The following CSTF3 variants were observed in gnomAD, a reference collection of about 807,000 sequenced individuals.
CSTF3 encodes the protein CF-1 77 kDa subunit.
In CSTF3, 29 loss-of-function variants were observed where a neutral mutation model predicts 105.8. The observed-to-expected ratio is 0.27, with a 90% CI of 0.20 to 0.37. The LOEUF is 0.37. CSTF3 is among the 10% of genes least tolerant of loss of function. CSTF3 has a pLI of 1.00. For missense variants in CSTF3, 357 were observed against 879.3 expected (o/e 0.41, Z 7.51); for synonymous variants, 252 against 281.9 (o/e 0.89, Z 1.06).
chr11:33,124,912 T>C (rs1323450222), intron 3 of CSTF3, among the ~76,000 whole-genome samples: 1 of 152,202 alleles, frequency 6.6e-6, no homozygotes, highest in Non-Finnish European at 1.5e-5. Flanking sequence ...TTGAAGGTCA[T>C]TTATCTTTTT....
Position 33,099,005 on chromosome 11 carries a change from A to T in CSTF3, c.1053+29T>A, listed in dbSNP as rs891167331. Reference sequence around the variant, plus strand: ...CAGTCCTGCACTAAAAAATTGAATTATAAGAAGGCTCTAAACATTTTTACT... The same window carrying T: ...CAGTCCTGCACTAAAAAATTGAATTTTAAGAAGGCTCTAAACATTTTTACT... On this transcript the variant is annotated intron_variant, in intron 12 of 20. Transcript: ENST00000323959. This position sits in a 1 kb window ranked among gnomAD's most constrained non-coding sequence, Gnocchi z 4.1. 1.0e-5 allele frequency: 16 copies of T among 1,552,864 alleles called. No homozygotes were observed. The highest frequency in any genetic ancestry group is 2.4e-5 in the Admixed American group (1 of 41,438).
In CSTF3 at chr11:33,096,885, G is replaced by A. The variant is rs773139989; in HGVS notation, c.1222C>T (p.Arg408Cys). 12 of 1,613,426 alleles carry A rather than the reference G, an allele frequency of 7.4e-6. No individual in the cohort carries two copies. The highest frequency in any genetic ancestry group is 5.3e-5 in the African/African-American group (4 of 74,894). Residue 408 changes from arginine to cysteine, a missense_variant, in exon 14 of 21, where the codon CGC becomes TGC. By Grantham distance (180) the Arg-to-Cys change is radical (BLOSUM62 -3). Transcript: ENST00000323959. ...FKKAREDTRT[R>C]HHVYVTAALM... Reference sequence around the variant, plus strand: ...GCTGCAGTAACATAGACATGGTGGCGGGTTCTGGTATCTTCTCTTGCTTTT... The same window carrying A: ...GCTGCAGTAACATAGACATGGTGGCAGGTTCTGGTATCTTCTCTTGCTTTT...
rs944729876 is a variant in CSTF3, at chr11:33,084,946, C to G, written c.*141G>C. 29 of 905,696 alleles carry G rather than the reference C, an allele frequency of 3.2e-5. No individual in the cohort carries two copies. The highest frequency in any genetic ancestry group is 4.5e-5 in the Non-Finnish European group (26 of 581,636). 56.1% of individuals were successfully genotyped at this position (905,696 alleles called of 1,614,324 possible). A position where few individuals can be genotyped will look rare whatever the true frequency, so the allele number is the denominator to read the frequency against. On this transcript the variant is annotated 3_prime_UTR_variant, in exon 21 of 21. Transcript: ENST00000323959. Reference sequence around the variant, plus strand: ...TCACACAGGTTGGTTTGTTTTTTCTCAAGAACCATGTGATAGAGGCACCAA... The same window carrying G: ...TCACACAGGTTGGTTTGTTTTTTCTGAAGAACCATGTGATAGAGGCACCAA...
chr11:33,143,011 T>G (rs774131591), intron 1 of CSTF3, among the ~76,000 whole-genome samples: 11 of 152,110 alleles, frequency 7.2e-5, no homozygotes, highest in Non-Finnish European at 1.5e-4. Flanking sequence ...ACCCTTGGGG[T>G]TCCTGGACCA....
chr11:33,111,896 T>C (rs1432682314), intron 3 of CSTF3, among the ~76,000 whole-genome samples: 1 of 152,182 alleles, frequency 6.6e-6, no homozygotes, highest in Non-Finnish European at 1.5e-5. Context: ...CTGGTACTGG[T>C]GGCCTTACCA....
intron 10 of CSTF3, among the ~76,000 whole-genome samples, chr11:33,101,942 A>G (rs545607497): frequency 6.6e-6 from 1 of 152,284 alleles, no homozygotes; most frequent in African/African-American, 2.4e-5. Flanking sequence ...ATGGAAATTT[A>G]TAGAATTGAA....
At chr11:33,136,233 A>T (rs562878705) in intron 3 of CSTF3, 1 of 152,420 alleles carries the variant, frequency 6.6e-6, no homozygotes, top group African/African-American at 2.4e-5. Context: ...GGGGAAAAAA[A>T]TCTAGATGCA....
chr11:33,095,781 C>T (rs1169809250), intron 15 of CSTF3, among the ~76,000 whole-genome samples: 1 of 150,238 alleles, frequency 6.7e-6, no homozygotes, highest in Non-Finnish European at 1.5e-5. Flanking sequence ...GAGATTGCGC[C>T]ACTGCACTCC....
At chr11:33,098,498 TG>T (rs1855247280) in intron 13 of CSTF3, among the ~76,000 whole-genome samples, 191 bp downstream of exon 13, 1 of 152,112 alleles carries the variant, frequency 6.6e-6, no homozygotes, top group Non-Finnish European at 1.5e-5. Flanking sequence ...AGGGGTCACA[TG>T]GGGGAATTTT....
intron 10 of CSTF3, 103 bp downstream of exon 10, chr11:33,102,074 A>G (rs764765891): frequency 3.7e-6 from 3 of 802,088 alleles, no homozygotes; most frequent in African/African-American, 3.4e-5. Context: ...CTGAAGAACA[A>G]AAGAAAAAAA....
In CSTF3 at chr11:33,085,734, G is replaced by A; in HGVS notation, c.1930C>T (p.Arg644Ter). ...VQVDELMEIF[R>*]RCKIPNTVEE... Reference sequence around the variant, plus strand: ...TTACTATTTGGTATCTTGCATCTTCGGAAAATTTCCATCAGTTCATCCACT... The same window carrying A: ...TTACTATTTGGTATCTTGCATCTTCAGAAAATTTCCATCAGTTCATCCACT... The change falls in exon 20 of 21, where the codon CGA (arginine) becomes TGA (stop). Residue 644 changes from arginine to a stop codon, truncating the protein, a stop_gained. Coordinates refer to ENST00000323959, the MANE Select transcript of CSTF3 (RefSeq NM_001326.3). LOFTEE classifies it high-confidence loss of function. 3 of 1,613,510 alleles carry A rather than the reference G, an allele frequency of 1.9e-6. No individual in the cohort carries two copies. Among genetic ancestry groups the A allele is most frequent in the Non-Finnish European group, 1.7e-6 (2 of 1,179,618 alleles).
chr11:33,084,943 T>A lies in CSTF3; in HGVS notation c.*144A>T. 1 of 881,858 alleles carries A rather than the reference T, an allele frequency of 1.1e-6. No individual in the cohort carries two copies. The allele number at this position is 881,858 out of a possible 1,614,324, so 54.6% of individuals were successfully genotyped here. Reference sequence around the variant, plus strand: ...AATTCACACAGGTTGGTTTGTTTTTTCTCAAGAACCATGTGATAGAGGCAC... The same window carrying A: ...AATTCACACAGGTTGGTTTGTTTTTACTCAAGAACCATGTGATAGAGGCAC... On this transcript the variant is annotated 3_prime_UTR_variant, in exon 21 of 21. Coordinates refer to ENST00000323959, the MANE Select transcript of CSTF3 (RefSeq NM_001326.3).
At chr11:33,157,545 T>C (rs984857194) in intron 1 of CSTF3, among the ~76,000 whole-genome samples, 6 of 152,046 alleles carry the variant, frequency 3.9e-5, no homozygotes, top group African/African-American at 1.4e-4. Flanking sequence ...GTAATTCCAA[T>C]AGCTCTCTAC....
At chr11:33,087,786 A>T (rs189462372) in intron 17 of CSTF3, among the ~76,000 whole-genome samples, 80 of 152,340 alleles carry the variant, frequency 5.3e-4, no homozygotes, top group African/African-American at 1.8e-3. Context: ...CACACAGCTA[A>T]TAAGAAGTAG....
At chr11:33,127,025 A>C (rs562938636) in intron 3 of CSTF3, among the ~76,000 whole-genome samples, 227 of 152,334 alleles carry the variant, frequency 1.5e-3, no homozygotes, top group Non-Finnish European at 2.6e-3. Context: ...AGCAGCTAGC[A>C]AAGCAGCTAT....
Position 33,086,956 on chromosome 11 carries a change from G to T in CSTF3, c.1795+32C>A, listed in dbSNP as rs770938119. 5 of 1,613,288 alleles carry T rather than the reference G, an allele frequency of 3.1e-6. No individual in the cohort carries two copies. In the South Asian group the frequency reaches 5.5e-5, roughly 18 times the overall value. ...GATTTAAATCAACAAACAAACCAAC[G>T]TCTCAGTACTGGATCTAAAGTCATG... On this transcript the variant is annotated intron_variant, in intron 18 of 20. Transcript: ENST00000323959.
intron 1 of CSTF3, among the ~76,000 whole-genome samples, chr11:33,142,361 C>A (rs1350982574): frequency 6.6e-6 from 1 of 152,072 alleles, no homozygotes; most frequent in Non-Finnish European, 1.5e-5. Context: ...TTTGGGAGGA[C>A]ATATGTAAGC....
At chr11:33,150,792 G>T (rs1290208732) in intron 1 of CSTF3, among the ~76,000 whole-genome samples, 1 of 151,516 alleles carries the variant, frequency 6.6e-6, no homozygotes, top group Non-Finnish European at 1.5e-5. Context: ...GGAGGTGTTG[G>T]TTGCAGTGAA....
At chr11:33,136,309 C>A (rs1434655207) in intron 3 of CSTF3, 1 of 151,768 alleles carries the variant, frequency 6.6e-6, no homozygotes, top group East Asian at 1.9e-4. Flanking sequence ...TTGCTAGGAG[C>A]AAACCGGTTT....
Sources: gnomAD v4.1 joint callset for allele counts (sites outside exome capture counted in the v4.1 genomes callset) on GRCh38, gnomAD v4.1.1 for gene constraint, Gnocchi (gnomAD v3.1) non-coding constraint, MANE v1.5 for transcripts, NCBI Gene and HGNC (gene_info 2026-07-23, HGNC 2026-07-21) for gene names.